The following VPS13B variants were observed in gnomAD, a reference collection of about 807,000 sequenced individuals.
The protein encoded by VPS13B is vacuolar protein sorting 13 homolog B.
Under a neutral mutation model 426.4 loss-of-function variants are expected in VPS13B, and 285 were observed. The ratio of observed to expected loss-of-function variants is 0.67; its 90% confidence interval spans 0.61 to 0.74. The LOEUF (loss-of-function observed/expected upper bound fraction) is 0.74. Ranked by LOEUF, VPS13B falls within the 30% of genes least tolerant of loss-of-function variation. The pLI is 0.00. For missense variants in VPS13B, 4,537 were observed against 4,782.6 expected, an observed-to-expected ratio of 0.95 and a Z score of 1.51; for synonymous variants, 1,676 against 1,676.4, an observed-to-expected ratio of 1.00 and a Z score of 0.01.
chr8:99,502,704 TC>T, intron 26 of VPS13B, 131 bp from the exon 27 acceptor site: 1 of 756,696 alleles, frequency 1.3e-6, no homozygotes, highest in Non-Finnish European at 2.3e-6. Flanking sequence ...TGCTTATTAT[TC>T]TAGAAGCTTT....
intron 33 of VPS13B, among the ~76,000 whole-genome samples, chr8:99,583,735 T>A (rs1826182597): frequency 6.6e-6 from 1 of 152,150 alleles, no homozygotes; most frequent in Non-Finnish European, 1.5e-5. Context: ...AACAGATGTC[T>A]TCTGGAATAG....
intron 23 of VPS13B, among the ~76,000 whole-genome samples, chr8:99,452,904 T>TG (rs1818268853): frequency 6.6e-6 from 1 of 152,214 alleles, no homozygotes; most frequent in South Asian, 2.1e-4. Flanking sequence ...AGGGAGCACT[T>TG]GCAGTGAGCC....
chr8:99,287,917 A>G (rs1051755942), intron 19 of VPS13B, among the ~76,000 whole-genome samples: 5 of 152,022 alleles, frequency 3.3e-5, no homozygotes, highest in Non-Finnish European at 5.9e-5. Context: ...GAAGTTTATG[A>G]AGAATTTAAG....
chr8:99,575,911 C>A, intron 32 of VPS13B, 127 bp downstream of exon 32: 2 of 917,082 alleles, frequency 2.2e-6, no homozygotes, highest in Non-Finnish European at 3.4e-6. Flanking sequence ...TGGCTACTAT[C>A]ATAGCTAACA....
At chr8:99,459,570 G>A (rs569086429) in intron 23 of VPS13B, among the ~76,000 whole-genome samples, 1 of 152,176 alleles carries the variant, frequency 6.6e-6, no homozygotes, top group Non-Finnish European at 1.5e-5. Flanking sequence ...AACCTGTACA[G>A]AATGGAACTG....
At chr8:99,577,354 GCT>G (rs1825825240) in intron 32 of VPS13B, 134 bp from the exon 33 acceptor site, 1 of 1,121,898 alleles carries the variant, frequency 8.9e-7, no homozygotes, top group Non-Finnish European at 1.3e-6. Flanking sequence ...CACCATTTTT[GCT>G]CTTCTCCTTA....
intron 19 of VPS13B, among the ~76,000 whole-genome samples, chr8:99,276,679 A>G (rs1336398265): frequency 6.6e-6 from 1 of 152,166 alleles, no homozygotes; most frequent in Non-Finnish European, 1.5e-5. Flanking sequence ...TATAAGAAGA[A>G]GGAATTGGTG....
At chr8:99,800,489 CAAA>C (rs1813067387) in intron 43 of VPS13B, among the ~76,000 whole-genome samples, 1 of 151,852 alleles carries the variant, frequency 6.6e-6, no homozygotes, top group African/African-American at 2.4e-5. Context: ...TTGAAATGGT[CAAA>C]AAAAGTTATG....
rs765514847 is a variant in VPS13B, at chr8:99,870,828, C to G, written c.11436C>G (p.Arg3812=). Residue 3812 remains arginine (R), a synonymous_variant, in exon 60 of 62, where the codon CGC becomes CGG. Transcript: ENST00000357162. ...GAGLSQLPKQ[R]HQPSDLHADQ... ...GACTTTCTCAGCTTCCCAAACAGCG[C>G]CATCAGCCAAGTGATCTACATGCTG... 1.2e-6 allele frequency: 2 copies of G among 1,614,198 alleles called. No homozygotes were observed. The highest frequency in any genetic ancestry group is 3.3e-5 in the Admixed American group (2 of 60,032).
chr8:99,536,642 C>T (rs1446462087), intron 30 of VPS13B: 2 of 534,294 alleles, frequency 3.7e-6, no homozygotes, highest in Non-Finnish European at 7.7e-6. Flanking sequence ...GACTGTCATC[C>T]AAGTATGGGT....
At chr8:99,099,493 A>C (rs1846612778) in intron 4 of VPS13B, among the ~76,000 whole-genome samples, 1 of 152,170 alleles carries the variant, frequency 6.6e-6, no homozygotes, top group South Asian at 2.1e-4. Flanking sequence ...AAATTTTTTG[A>C]TACATGCCAT....
At chr8:99,082,779 T>C (rs555343979) in intron 3 of VPS13B, among the ~76,000 whole-genome samples, 2,533 of 152,268 alleles carry the variant, frequency 0.017, 65 homozygotes, top group African/African-American at 0.058. Flanking sequence ...TGTAGATATG[T>C]GGCATTATTT....
At chr8:99,823,099 G>A (rs1313909404) in intron 50 of VPS13B, among the ~76,000 whole-genome samples, 1 of 152,164 alleles carries the variant, frequency 6.6e-6, no homozygotes, top group Non-Finnish European at 1.5e-5. Context: ...AACATGATAA[G>A]GTAATGAAAT....
At chr8:99,575,345 A>C (rs1347197053) in intron 31 of VPS13B, among the ~76,000 whole-genome samples, 4 of 152,220 alleles carry the variant, frequency 2.6e-5, no homozygotes, top group Non-Finnish European at 5.9e-5. Flanking sequence ...TGGTGGTAAC[A>C]AAAGTGATAT....
intron 33 of VPS13B, chr8:99,613,986 A>G (rs1368778860): frequency 6.6e-6 from 1 of 152,212 alleles, no homozygotes; most frequent in African/African-American, 2.4e-5. Context: ...CCCAACTGGC[A>G]TAGTGCACTA....
At chr8:99,771,768 T>A (rs1811504585) in intron 40 of VPS13B, among the ~76,000 whole-genome samples, 1 of 152,228 alleles carries the variant, frequency 6.6e-6, no homozygotes, top group South Asian at 2.1e-4. Context: ...TCTGCCCTTT[T>A]AGATGTATCT....
intron 8 of VPS13B, among the ~76,000 whole-genome samples, chr8:99,126,534 CTT>C (rs911176964): frequency 2.6e-5 from 4 of 152,172 alleles, no homozygotes; most frequent in Non-Finnish European, 5.9e-5. Flanking sequence ...AGAAATCAGA[CTT>C]TTGGAATGAT....
In VPS13B at chr8:99,115,725, A is replaced by C. The variant is rs745854177; in HGVS notation, c.788A>C (p.Lys263Thr). The change falls in exon 7 of 62, where the codon AAA becomes ACA. Residue 263 changes from lysine (K) to threonine (T), a missense_variant. Lys to Thr is a moderately conservative substitution (Grantham distance 78, BLOSUM62 -1). Coordinates refer to ENST00000357162, the MANE Select transcript of VPS13B (RefSeq NM_152564.5). ...IKIHTLVESL[K>T]LSITDQQLPM... ...ATTCATACTTTAGTGGAAAGTTTGA[A>C]ACTTTCTATCACAGATCAACAACTG... 3.1e-6 allele frequency: 5 copies of C among 1,613,036 alleles called. No individual in the cohort carries two copies. In the South Asian group the frequency reaches 5.5e-5, roughly 18 times the overall value.
At chr8:99,456,841 G>C (rs1301374511) in intron 23 of VPS13B, among the ~76,000 whole-genome samples, 1 of 152,006 alleles carries the variant, frequency 6.6e-6, no homozygotes, top group Non-Finnish European at 1.5e-5. Flanking sequence ...ATTCTGTCCT[G>C]TTTTTGTAAG....
Sources: gnomAD v4.1 joint callset for allele counts (sites outside exome capture counted in the v4.1 genomes callset) on GRCh38, gnomAD v4.1.1 for gene constraint, MANE v1.5 for transcripts, NCBI Gene and HGNC (gene_info 2026-07-23, HGNC 2026-07-21) for gene names.